The following ITGA5 variants were observed in gnomAD, a reference collection of about 807,000 sequenced individuals.
ITGA5 encodes the protein integrin alpha-5.
Under a neutral mutation model 146.3 loss-of-function variants are expected in ITGA5, and 55 were observed. The observed-to-expected ratio is 0.38, with a 90% CI of 0.30 to 0.47. The LOEUF (loss-of-function observed/expected upper bound fraction) is 0.47, where lower values mean the gene tolerates loss of function less well. ITGA5 is among the 20% of genes least tolerant of loss of function. The pLI is 0.99. For missense variants in ITGA5, 1,131 were observed against 1,329.0 expected (o/e 0.85, Z 2.32); for synonymous variants, 500 against 531.8 (o/e 0.94, Z 0.82).
At chr12:54,405,438 T>C in intron 11 of ITGA5, 64 bp from the exon 12 acceptor site, 1 of 1,331,536 alleles carries the variant, frequency 7.5e-7, no homozygotes, top group Non-Finnish European at 1.0e-6. Context: ...CCAATCCTAG[T>C]GCTAGAAATC....
Position 54,401,478 on chromosome 12 carries a change from A to G in ITGA5, c.2388T>C (p.Gly796=), listed in dbSNP as rs1380288138. The change falls in exon 24 of 30, where the codon GGT becomes GGC. Residue 796 remains glycine, a splice_region_variant and synonymous_variant. Coordinates refer to ENST00000293379, the MANE Select transcript of ITGA5 (RefSeq NM_002205.5). The surrounding 1 kb of genome is among the most constrained non-coding windows in gnomAD (Gnocchi z 5.0). ...VEAQAQVTLN[G]VSKPEAVLFP... is the part of the protein sequence containing the mutation. ...ATAGCACTGCCTCAGGCTTGGAGAC[A>G]CTAAGGAGGAGGGTGGTTTAGAGGA... is the stretch of plus-strand genomic sequence containing the variant. The G allele has an allele frequency of 1.2e-6, 2 of 1,600,040 alleles. No individual in the cohort carries two copies. Among genetic ancestry groups the G allele is most frequent in the South Asian group, 1.1e-5 (1 of 88,490 alleles).
At position 54,418,969 on chromosome 12, in the gene ITGA5, CTCCT is replaced by C; in HGVS notation, c.218+8_218+11del. The C allele has an allele frequency of 6.2e-7, 1 of 1,610,892 alleles. No individual in the cohort carries two copies. Among genetic ancestry groups the C allele is most frequent in the African/African-American group, 1.3e-5 (1 of 74,824 alleles). On this transcript the variant is annotated splice_region_variant and intron_variant, in intron 1 of 29. Coordinates refer to ENST00000293379, the MANE Select transcript of ITGA5 (RefSeq NM_002205.5). ...CCCCACCCCCATCCCGTCTCCAGCC[CTCCT>C]CACTCACCCGTCTGTTCCCGGCCGG...
chr12:54,411,764 G>GC, intron 2 of ITGA5, 70 bp downstream of exon 2: 9 of 1,356,448 alleles, frequency 6.6e-6, no homozygotes, highest in Non-Finnish European at 4.8e-6. Flanking sequence ...CTCGCCCCAG[G>GC]CCCCACCCAG....
rs777690854 is a variant in ITGA5, at chr12:54,409,214, G to GC, written c.583+17dup. ...ATGAGAAGGCAGACATGGGGCACAGGCCCCCTCTTGCCCCTACCTGAGCGG... is the reference window on the plus strand; with the variant it reads ...ATGAGAAGGCAGACATGGGGCACAGGCCCCCCTCTTGCCCCTACCTGAGCGG... On this transcript the variant is annotated intron_variant, in intron 4 of 29. Coordinates refer to ENST00000293379, the MANE Select transcript of ITGA5 (RefSeq NM_002205.5). This position sits in a 1 kb window ranked among gnomAD's most constrained non-coding sequence, Gnocchi z 4.7. 6.9e-6 allele frequency: 11 copies of GC among 1,599,764 alleles called. No homozygotes were observed. The East Asian group carries it at 2.5e-4, about 36-fold the overall frequency.
chr12:54,405,876 C>T lies in ITGA5; in HGVS notation c.957G>A (p.Gly319=). 6.2e-7 allele frequency: 1 copy of T among 1,613,924 alleles called. No homozygotes were observed. Among genetic ancestry groups the T allele is most frequent in the Non-Finnish European group, 8.5e-7 (1 of 1,179,872 alleles). Residue 319 remains glycine, a synonymous_variant, in exon 10 of 30, where the codon GGG becomes GGA. Coordinates refer to ENST00000293379, the MANE Select transcript of ITGA5 (RefSeq NM_002205.5). The stretch of plus-strand genomic sequence containing the variant: ...GGTTGAGGGGTATCCTTACCTGTTC[C>T]CCTGAGAAGTTGTAGAGGGATCGAA... The part of the protein sequence containing the change: ...SDIRSLYNFS[G]EQMASYFGYA...
In ITGA5 at chr12:54,402,061, G is replaced by C. The variant is rs141408484; in HGVS notation, c.2166C>G (p.Ala722=). The change falls in exon 21 of 30, where the codon GCC becomes GCG. Residue 722 remains alanine, a synonymous_variant. Transcript: ENST00000293379. ...NFSSLSCDYF[A]VNQSRLLVCD... The stretch of plus-strand genomic sequence containing the variant: ...ACACCAGCAGGCGGCTCTGGTTCAC[G>C]GCAAAGTAGTCACAGCTCAGGCTGG... 1 of 1,614,152 alleles carries C rather than the reference G, an allele frequency of 6.2e-7. No individual in the cohort carries two copies. The highest frequency in any genetic ancestry group is 8.5e-7 in the Non-Finnish European group (1 of 1,180,026).
Position 54,411,829 on chromosome 12 carries a change from C to T in ITGA5, c.349+5G>A. The T allele has an allele frequency of 6.7e-7, 1 of 1,493,924 alleles. No homozygotes were observed. The allele number at this position is 1,493,924 out of a possible 1,614,324, so 92.5% of individuals were successfully genotyped here. A position where few individuals can be genotyped will look rare whatever the true frequency, so the allele number is the denominator to read the frequency against. ...CCAGTCCCTCCCTGAATTTCACTGG[C>T]CTACCTTTGCTGTCAAATTCAATGG... On this transcript the variant is annotated splice_donor_5th_base_variant and intron_variant, in intron 2 of 29. Coordinates refer to ENST00000293379, the MANE Select transcript of ITGA5 (RefSeq NM_002205.5).
intron 1 of ITGA5, 84 bp from the exon 2 acceptor site, chr12:54,412,048 G>C (rs1162673892): frequency 1.8e-6 from 2 of 1,097,732 alleles, no homozygotes; most frequent in African/African-American, 3.2e-5. Context: ...CAGGCCTCTA[G>C]GCTGGGGCTG....
Position 54,398,641 on chromosome 12 carries a change from G to T in ITGA5, c.2899C>A (p.Pro967Thr). The T allele has an allele frequency of 6.2e-7, 1 of 1,611,150 alleles. No individual in the cohort carries two copies. The highest frequency in any genetic ancestry group is 8.5e-7 in the Non-Finnish European group (1 of 1,178,924). ...CEAVYKALKM[P>T]YRILPRQLPQ... ...AGCTGCCGAGGCAGGATTCGGTAGG[G>T]CATCTTCAGGGCTTTGTACACAGCC... is the stretch of plus-strand genomic sequence containing the variant. Residue 967 changes from proline (P) to threonine (T), a missense_variant, in exon 28 of 30, where the codon CCC (proline) becomes ACC (threonine). Physicochemically the swap from Pro to Thr is conservative, Grantham distance 38. This residue lies in a region of ITGA5 where 889 missense variants were observed against 1,021.5 expected (regional missense o/e 0.87). Coordinates refer to ENST00000293379, the MANE Select transcript of ITGA5 (RefSeq NM_002205.5).
chr12:54,409,074 C>T lies in ITGA5; in HGVS notation c.584-120G>A, dbSNP rs1350713879. ...AGAGAAAGGGCCTTCCTGGACCAGA[C>T]AGTAAGCATAAAGGCTAACGAACTG... On this transcript the variant is annotated intron_variant, in intron 4 of 29. Coordinates refer to ENST00000293379, the MANE Select transcript of ITGA5 (RefSeq NM_002205.5). The surrounding 1 kb of genome is among the most constrained non-coding windows in gnomAD (Gnocchi z 4.7). 6 of 1,396,370 alleles carry T rather than the reference C, an allele frequency of 4.3e-6. No individual in the cohort carries two copies. In the Admixed American group the frequency reaches 7.3e-5, roughly 17 times the overall value. The allele number at this position is 1,396,370 out of a possible 1,614,324, so 86.5% of individuals were successfully genotyped here. A position where few individuals can be genotyped will look rare whatever the true frequency, so the allele number is the denominator to read the frequency against.
chr12:54,414,168 G>A (rs2120570833), intron 1 of ITGA5, among the ~76,000 whole-genome samples: 1 of 152,344 alleles, frequency 6.6e-6, no homozygotes, highest in African/African-American at 2.4e-5. Flanking sequence ...ACAGGCAGTG[G>A]CCCTTCCATC....
At chr12:54,398,253 G>C (rs1435401902) in intron 28 of ITGA5, among the ~76,000 whole-genome samples, 5 of 152,148 alleles carry the variant, frequency 3.3e-5, no homozygotes, top group African/African-American at 1.2e-4. Context: ...GGCTAGCCTG[G>C]TTAGTTCCTA....
chr12:54,407,897 A>G (rs1390319418), intron 7 of ITGA5, 21 bp from the exon 8 acceptor site: 1 of 1,563,578 alleles, frequency 6.4e-7, no homozygotes, highest in East Asian at 2.2e-5. Context: ...GGGTGGGTGG[A>G]TGTTAGGATT....
intron 9 of ITGA5, chr12:54,406,204 T>A: frequency 1.9e-6 from 1 of 519,796 alleles, no homozygotes; most frequent in Non-Finnish European, 3.5e-6. Context: ...GAATGTAAGA[T>A]CAATAGGGGC....
chr12:54,397,048 G>T (rs1239053970), intron 29 of ITGA5, among the ~76,000 whole-genome samples: 7 of 152,254 alleles, frequency 4.6e-5, no homozygotes, highest in Non-Finnish European at 8.8e-5. Context: ...GCCATTTCTA[G>T]GTTAGTGATG....
intron 1 of ITGA5, among the ~76,000 whole-genome samples, chr12:54,418,199 G>T (rs1956030346): frequency 6.6e-6 from 1 of 151,632 alleles, no homozygotes; most frequent in Non-Finnish European, 1.5e-5. Context: ...GAGGGAAACC[G>T]CCCACCCCCC....
chr12:54,405,974 C>T, intron 9 of ITGA5, 48 bp from the exon 10 acceptor site: 1 of 1,539,854 alleles, frequency 6.5e-7, no homozygotes, highest in Non-Finnish European at 9.0e-7. Context: ...CCCAGAATAT[C>T]CCATGGTTAA....
intron 19 of ITGA5, 149 bp from the exon 20 acceptor site, chr12:54,402,479 G>A (rs983750436): frequency 1.6e-6 from 1 of 633,026 alleles, no homozygotes; most frequent in Non-Finnish European, 2.7e-6. Flanking sequence ...GGTGGATCAC[G>A]AGGTCAGGAG....
chr12:54,410,800 C>T (rs1048927307), intron 2 of ITGA5, among the ~76,000 whole-genome samples: 3 of 151,776 alleles, frequency 2.0e-5, no homozygotes, highest in African/African-American at 7.3e-5. Flanking sequence ...GATTTCAGCT[C>T]ACTGCAATCT....
Sources: gnomAD v4.1 joint callset for allele counts (sites outside exome capture counted in the v4.1 genomes callset) on GRCh38, gnomAD v4.1.1 for gene constraint, gnomAD v4.1.1 regional missense constraint, Gnocchi (gnomAD v3.1) non-coding constraint, MANE v1.5 for transcripts, NCBI Gene and HGNC (gene_info 2026-07-23, HGNC 2026-07-21) for gene names.